HSF2BP: variants seen among roughly 807,000 people sequenced by gnomAD.
HSF2BP encodes heat shock transcription factor 2 binding protein.
Under a neutral mutation model 35.0 loss-of-function variants are expected in HSF2BP, and 35 were observed. The observed-to-expected ratio is 1.00, with a 90% CI of 0.76 to 1.32. The LOEUF (loss-of-function observed/expected upper bound fraction) is 1.32. HSF2BP is among the 40% of genes most tolerant of loss of function. The pLI, the probability that HSF2BP is intolerant of heterozygous loss-of-function variation, is 0.00. For missense variants in HSF2BP, 326 were observed against 321.7 expected (o/e 1.01, Z -0.10); for synonymous variants, 114 against 117.4 (o/e 0.97, Z 0.18).
intron 3 of HSF2BP, among the ~76,000 whole-genome samples, chr21:43,647,802 G>A (rs762553438): frequency 4.0e-5 from 6 of 151,738 alleles, no homozygotes; most frequent in South Asian, 2.1e-4. Context: ...GGTGGTACAC[G>A]CCCATAGTCC....
At chr21:43,653,382 G>A (rs1251563051) in intron 3 of HSF2BP, among the ~76,000 whole-genome samples, 2 of 152,096 alleles carry the variant, frequency 1.3e-5, no homozygotes, top group African/African-American at 2.4e-5. Flanking sequence ...ATCAGGGGCC[G>A]AGATAATGAC....
At chr21:43,643,008 G>A (rs2147076153) in intron 4 of HSF2BP, among the ~76,000 whole-genome samples, 1 of 151,710 alleles carries the variant, frequency 6.6e-6, no homozygotes, top group South Asian at 2.1e-4. Flanking sequence ...CACTGTACCT[G>A]GCCTGTTAGT....
Position 43,591,403 on chromosome 21 carries a change from T to C in HSF2BP, c.796+822A>G, listed in dbSNP as rs557084488. ...ACCCACATAGAGTACTGTGCTGTAATAGAGAATGGGATAGGCTGATGCTGT... is the reference window on the plus strand; with the variant it reads ...ACCCACATAGAGTACTGTGCTGTAACAGAGAATGGGATAGGCTGATGCTGT... On this transcript the variant is annotated intron_variant, in intron 8 of 8. Coordinates refer to ENST00000291560, the MANE Select transcript of HSF2BP (RefSeq NM_007031.2). Among the ~76,000 whole-genome samples the C allele has an allele frequency of 9.7e-4, 148 of 152,334 alleles. 1 individual carries two copies. The highest frequency in any genetic ancestry group is 3.4e-3 in the Middle Eastern group (1 of 294).
chr21:43,605,348 CCACA>C (rs1177081657), intron 7 of HSF2BP, among the ~76,000 whole-genome samples: 1 of 149,094 alleles, frequency 6.7e-6, no homozygotes, highest in African/African-American at 2.5e-5. Context: ...CTGAAAGAGC[CCACA>C]AACACACATC....
At chr21:43,499,992 C>T in the HSF2BP span, among the ~76,000 whole-genome samples, 1 of 84,898 alleles carries the variant, frequency 1.2e-5, no homozygotes, top group Admixed American at 1.3e-4. Flanking sequence ...ATACCACACA[C>T]ACACCCACAC....
chr21:43,614,140 G>T (rs1468973715), intron 6 of HSF2BP, among the ~76,000 whole-genome samples, 193 bp from the exon 7 acceptor site: 1 of 152,052 alleles, frequency 6.6e-6, no homozygotes, highest in Non-Finnish European at 1.5e-5. Context: ...GAGGTGGGAG[G>T]ACTGCTTGAG....
chr21:43,634,165 ACT>A (rs1164847812), intron 4 of HSF2BP, among the ~76,000 whole-genome samples: 1 of 151,908 alleles, frequency 6.6e-6, no homozygotes, highest in African/African-American at 2.4e-5. Context: ...AGAGTTTCCT[ACT>A]CTCCCACCAG....
chr21:43,622,841 A>G (rs1249852448), intron 6 of HSF2BP, among the ~76,000 whole-genome samples: 1 of 152,226 alleles, frequency 6.6e-6, no homozygotes, highest in Non-Finnish European at 1.5e-5. Context: ...TCTTTACAGA[A>G]CATTTCACCC....
At chr21:43,496,676 C>CTGTA in the HSF2BP span, among the ~76,000 whole-genome samples, 55 of 108,090 alleles carry the variant, frequency 5.1e-4, 2 homozygotes, top group African/African-American at 1.8e-3. Flanking sequence ...TCATAGCTCG[C>CTGTA]TGTAGCCTCG....
At chr21:43,602,586 A>G (rs2082064731) in intron 7 of HSF2BP, among the ~76,000 whole-genome samples, 1 of 152,182 alleles carries the variant, frequency 6.6e-6, no homozygotes, top group Non-Finnish European at 1.5e-5. Flanking sequence ...TAACTTCGAG[A>G]AACAGGAACC....
chr21:43,594,483 CATTA>C (rs1216031772), intron 7 of HSF2BP, among the ~76,000 whole-genome samples: 1 of 152,154 alleles, frequency 6.6e-6, no homozygotes, highest in African/African-American at 2.4e-5. Flanking sequence ...GTGAGAAAGA[CATTA>C]ATTACTTTCA....
At chr21:43,635,943 A>C (rs565230953) in intron 4 of HSF2BP, among the ~76,000 whole-genome samples, 7 of 151,436 alleles carry the variant, frequency 4.6e-5, no homozygotes, top group Admixed American at 1.3e-4. Context: ...AAAAAAAAAA[A>C]AAAACAGAAT....
At chr21:43,611,731 C>T (rs1368578530) in intron 7 of HSF2BP, among the ~76,000 whole-genome samples, 1 of 152,218 alleles carries the variant, frequency 6.6e-6, no homozygotes, top group Non-Finnish European at 1.5e-5. Flanking sequence ...TTTTTCCTTA[C>T]ACCTGAAAGC....
intron 8 of HSF2BP, among the ~76,000 whole-genome samples, chr21:43,581,100 A>C (rs2081722710): frequency 6.6e-6 from 1 of 152,194 alleles, no homozygotes; most frequent in Non-Finnish European, 1.5e-5. Context: ...AGAAAGGTAA[A>C]AGGCAGCCGG....
chr21:43,467,971 C>T, the HSF2BP span, among the ~76,000 whole-genome samples: 680 of 120,108 alleles, frequency 5.7e-3, 20 homozygotes, highest in African/African-American at 0.023. Flanking sequence ...ACACCACACA[C>T]ACACCACACA....
intron 4 of HSF2BP, among the ~76,000 whole-genome samples, chr21:43,636,416 A>T (rs1028735310): frequency 2.6e-5 from 4 of 152,154 alleles, no homozygotes; most frequent in Admixed American, 2.6e-4. Context: ...GTTTCATCAA[A>T]ACTTAAAAGT....
chr21:43,615,553 A>G (rs775212233), intron 6 of HSF2BP, among the ~76,000 whole-genome samples: 1 of 152,194 alleles, frequency 6.6e-6, no homozygotes, highest in Non-Finnish European at 1.5e-5. Flanking sequence ...TAAACCTAAC[A>G]GATGTTTCCC....
chr21:43,617,694 C>A (rs916982416), intron 6 of HSF2BP, among the ~76,000 whole-genome samples: 1 of 152,050 alleles, frequency 6.6e-6, no homozygotes, highest in Non-Finnish European at 1.5e-5. Context: ...TGGCTCCCAC[C>A]TGTAATCCCA....
chr21:43,654,933 G>T (rs1017368904), intron 3 of HSF2BP, among the ~76,000 whole-genome samples: 3 of 152,170 alleles, frequency 2.0e-5, no homozygotes, highest in Non-Finnish European at 4.4e-5. Flanking sequence ...AGCAGGAATT[G>T]CCAGAGAGAC....
Sources: gnomAD v4.1 joint callset for allele counts (sites outside exome capture counted in the v4.1 genomes callset) on GRCh38, gnomAD v4.1.1 for gene constraint, MANE v1.5 for transcripts, NCBI Gene and HGNC (gene_info 2026-07-23, HGNC 2026-07-21) for gene names.